The following FARS2 variants were observed in gnomAD, a reference collection of about 807,000 sequenced individuals.
The protein encoded by FARS2 is phenylalanine--tRNA ligase, mitochondrial.
Under a neutral mutation model 46.4 loss-of-function variants are expected in FARS2, and 40 were observed. That is an observed-to-expected ratio of 0.86 (90% confidence interval 0.67 to 1.12). The LOEUF (loss-of-function observed/expected upper bound fraction) is 1.12. Ranked by LOEUF, FARS2 falls within the 50% of genes most tolerant of loss-of-function variation. The pLI is 0.00. For synonymous variants in FARS2, 234 were observed against 214.9 expected (o/e 1.09, Z -0.78); for missense variants, 513 against 567.9 (o/e 0.90, Z 0.98).
intron 6 of FARS2, among the ~76,000 whole-genome samples, chr6:5,632,591 C>A (rs1776344352): frequency 6.6e-6 from 1 of 150,510 alleles, no homozygotes; most frequent in Non-Finnish European, 1.5e-5. Context: ...CCCCCTTCCC[C>A]CTTCCCGCTT....
intron 4 of FARS2, among the ~76,000 whole-genome samples, chr6:5,522,988 TG>T (rs1769237335): frequency 6.6e-6 from 1 of 152,196 alleles, no homozygotes; most frequent in Non-Finnish European, 1.5e-5. Context: ...TACAGACATT[TG>T]GGATGAAGGG....
chr6:5,408,704 AGAAG>A (rs929327645), intron 3 of FARS2, among the ~76,000 whole-genome samples: 8 of 152,218 alleles, frequency 5.3e-5, no homozygotes, highest in African/African-American at 1.9e-4. Flanking sequence ...AACAAACGGA[AGAAG>A]GAAGGAAGGA....
At chr6:5,426,300 T>C (rs1762847001) in intron 3 of FARS2, among the ~76,000 whole-genome samples, 1 of 152,214 alleles carries the variant, frequency 6.6e-6, no homozygotes, top group African/African-American at 2.4e-5. Context: ...ATGATTTGGA[T>C]ATGCTTACTG....
At chr6:5,440,416 C>T (rs990169099) in intron 4 of FARS2, among the ~76,000 whole-genome samples, 1 of 152,184 alleles carries the variant, frequency 6.6e-6, no homozygotes, top group Non-Finnish European at 1.5e-5. Context: ...TCTTTCTGGC[C>T]ACCCCCATGT....
At chr6:5,632,504 A>G (rs1158341442) in intron 6 of FARS2, among the ~76,000 whole-genome samples, 1 of 151,860 alleles carries the variant, frequency 6.6e-6, no homozygotes, top group African/African-American at 2.4e-5. Flanking sequence ...AAATATTTCC[A>G]TTACCCAGAG....
upstream of FARS2, chr6:5,261,342 T>C (rs9504369): frequency 0.36 from 54,533 of 152,472 alleles, 11,825 homozygotes; most frequent in African/African-American, 0.61. Context: ...CCTGAGAGAG[T>C]TTGCGGGATT....
intron 5 of FARS2, among the ~76,000 whole-genome samples, chr6:5,601,367 C>G (rs1368628391): frequency 6.6e-6 from 1 of 151,338 alleles, no homozygotes; most frequent in African/African-American, 2.4e-5. Context: ...ACTAAAAATA[C>G]AAAAAAATTA....
chr6:5,521,384 AAAG>A (rs1769124135), intron 4 of FARS2, among the ~76,000 whole-genome samples: 3 of 152,206 alleles, frequency 2.0e-5, no homozygotes, highest in South Asian at 4.1e-4. Context: ...AAAAAAAAAA[AAAG>A]ATGAGGATAG....
intron 5 of FARS2, among the ~76,000 whole-genome samples, chr6:5,581,491 C>T (rs1371286677): frequency 4.6e-5 from 7 of 152,242 alleles, no homozygotes; most frequent in Admixed American, 3.3e-4. Context: ...CAGAACTCTC[C>T]GCATCGCACA....
rs70975905 is a variant in FARS2, at chr6:5,407,066, T to TATATATATATAA, written c.772+2366_772+2367insTATATATATAAA. On this transcript the variant is annotated intron_variant, in intron 3 of 6. Transcript: ENST00000274680. ...AATTATATATATATATATATATATA[T>TATATATATATAA]AATGACCAATAAATATATGAAAAGA... Among the ~76,000 whole-genome samples the TATATATATATAA allele has an allele frequency of 6.3e-3, 695 of 109,534 alleles. 33 individuals are homozygous for TATATATATATAA. Among genetic ancestry groups the TATATATATATAA allele is most frequent in the East Asian group, 0.022 (59 of 2,652 alleles). The allele number at this position is 109,534 out of a possible 152,430, so 71.9% of individuals were successfully genotyped here. A position where few individuals can be genotyped will look rare whatever the true frequency, so the allele number is the denominator to read the frequency against.
chr6:5,520,114 C>T (rs1769040512), intron 4 of FARS2, among the ~76,000 whole-genome samples: 1 of 152,138 alleles, frequency 6.6e-6, no homozygotes, highest in South Asian at 2.1e-4. Flanking sequence ...AAGGAGGAAC[C>T]TGCCGCACCC....
At chr6:5,702,359 T>G (rs1758496848) in intron 6 of FARS2, among the ~76,000 whole-genome samples, 1 of 152,264 alleles carries the variant, frequency 6.6e-6, no homozygotes, top group Admixed American at 6.5e-5. Context: ...TAGTAGCATT[T>G]TTCTTCAGTG....
At chr6:5,518,335 T>C (rs1273571883) in intron 4 of FARS2, among the ~76,000 whole-genome samples, 1 of 151,894 alleles carries the variant, frequency 6.6e-6, no homozygotes, top group Non-Finnish European at 1.5e-5. Flanking sequence ...TTCAGAGAAG[T>C]AGACTATGTA....
rs1035496296 is a variant in FARS2 at position 5,729,188 on chromosome 6, C to T, written c.1218-42103C>T. Among the ~76,000 whole-genome samples, 9 of 152,302 alleles carry T rather than the reference C, an allele frequency of 5.9e-5. No individual in the cohort carries two copies. In the South Asian group the frequency reaches 1.9e-3, roughly 32 times the overall value. On this transcript the variant is annotated intron_variant, in intron 6 of 6. Coordinates refer to ENST00000274680, the MANE Select transcript of FARS2 (RefSeq NM_006567.5). ...CTTCCTGCTGCAGGAAAGAGCCAGGCCCTGGGCAGCTGGTGTTTGGAGTTG... is the reference window on the plus strand; with the variant it reads ...CTTCCTGCTGCAGGAAAGAGCCAGGTCCTGGGCAGCTGGTGTTTGGAGTTG...
At chr6:5,305,893 C>A (rs1658803730) in intron 1 of FARS2, among the ~76,000 whole-genome samples, 1 of 152,186 alleles carries the variant, frequency 6.6e-6, no homozygotes, top group African/African-American at 2.4e-5. Context: ...AAGATTTATA[C>A]TGAGTGCCAA....
chr6:5,763,777 T>G lies in FARS2; in HGVS notation c.1218-7514T>G, dbSNP rs538696746. 2.6e-3 allele frequency among the ~76,000 whole-genome samples: 399 copies of G among 151,864 alleles called. 3 individuals carry two copies. The highest frequency in any genetic ancestry group is 4.2e-3 in the Non-Finnish European group (288 of 67,888). On this transcript the variant is annotated intron_variant, in intron 6 of 6. Coordinates refer to ENST00000274680, the MANE Select transcript of FARS2 (RefSeq NM_006567.5). ...CTTCTCTTCCCTTTTGGTTTTTTTT[T>G]TTTTTTTTTAACATAGAGAAGGTAA...
chr6:5,285,551 C>T (rs1330333637), intron 1 of FARS2, among the ~76,000 whole-genome samples: 6 of 152,212 alleles, frequency 3.9e-5, no homozygotes, highest in Non-Finnish European at 8.8e-5. Context: ...CATCTTTGCA[C>T]ATGGTGGGTG....
intron 6 of FARS2, among the ~76,000 whole-genome samples, chr6:5,749,589 G>T (rs1357895878): frequency 2.6e-5 from 4 of 152,200 alleles, no homozygotes; most frequent in South Asian, 4.1e-4. Context: ...TCAGACCCTG[G>T]CCCGTGCCTT....
At chr6:5,647,726 G>T (rs1229677611) in intron 6 of FARS2, among the ~76,000 whole-genome samples, 2 of 152,202 alleles carry the variant, frequency 1.3e-5, no homozygotes, top group Non-Finnish European at 2.9e-5. Context: ...ATGGGGAAAG[G>T]ACTAACAAAG....
Sources: allele counts gnomAD v4.1 joint callset (sites outside exome capture counted in the v4.1 genomes callset), GRCh38; gene constraint gnomAD v4.1.1; transcripts MANE v1.5; gene names NCBI Gene and HGNC (gene_info 2026-07-23, HGNC 2026-07-21).